DLG2: variants seen among roughly 807,000 people sequenced by gnomAD.
DLG2 encodes discs large MAGUK scaffold protein 2, also known as disks large homolog 2.
In DLG2, 45 loss-of-function variants were observed where a neutral mutation model predicts 132.5. The observed-to-expected ratio is 0.34, with a 90% confidence interval of 0.27 to 0.44. DLG2 has a LOEUF of 0.44. DLG2 is among the 20% of genes least tolerant of loss of function. The probability of loss-of-function intolerance (pLI) is 1.00; values close to 1 mark genes in which losing one functional copy is unlikely to be tolerated. For synonymous variants in DLG2, 424 were observed against 419.6 expected, an observed-to-expected ratio of 1.01 and a Z score of -0.13; for missense variants, 1,045 against 1,196.9, an observed-to-expected ratio of 0.87 and a Z score of 1.87.
chr11:85,018,846 G>C (rs2059793812), intron 6 of DLG2, among the ~76,000 whole-genome samples: 1 of 149,926 alleles, frequency 6.7e-6, no homozygotes, highest in Non-Finnish European at 1.5e-5. Flanking sequence ...TTATTTTGAG[G>C]AAAAAAGGTC....
At chr11:83,715,100 T>A (rs1031844880) in intron 18 of DLG2, among the ~76,000 whole-genome samples, 1 of 152,170 alleles carries the variant, frequency 6.6e-6, no homozygotes, top group Non-Finnish European at 1.5e-5. Context: ...GATGAGTTCA[T>A]GTCCTTGCAA....
intron 3 of DLG2, among the ~76,000 whole-genome samples, chr11:85,510,546 T>C (rs901639447): frequency 6.6e-6 from 1 of 151,480 alleles, no homozygotes; most frequent in Non-Finnish European, 1.5e-5. Flanking sequence ...AACAACCCCA[T>C]CAAAAAGTCG....
At chr11:83,672,389 C>A (rs2076981977) in intron 18 of DLG2, among the ~76,000 whole-genome samples, 2 of 152,088 alleles carry the variant, frequency 1.3e-5, no homozygotes, top group Admixed American at 1.3e-4. Context: ...GTTGGTCAGG[C>A]TGGTCTCAAA....
intron 6 of DLG2, among the ~76,000 whole-genome samples, chr11:84,991,929 C>A (rs905520840): frequency 2.0e-5 from 3 of 152,124 alleles, no homozygotes; most frequent in Admixed American, 6.5e-5. Flanking sequence ...TATGCAAATT[C>A]TTTTTGGTCT....
At chr11:84,808,138 AGT>A (rs1566019120) in intron 6 of DLG2, among the ~76,000 whole-genome samples, 1 of 152,160 alleles carries the variant, frequency 6.6e-6, no homozygotes, top group Admixed American at 6.5e-5. Flanking sequence ...AATCATAGAG[AGT>A]GTGTTATCTG....
intron 18 of DLG2, among the ~76,000 whole-genome samples, chr11:83,700,533 T>C (rs536669489): frequency 3.0e-4 from 45 of 152,162 alleles, no homozygotes; most frequent in African/African-American, 1.0e-3. Context: ...AGAATCAAAA[T>C]CCAACACATA....
At chr11:84,256,399 G>C (rs1213451397) in intron 7 of DLG2, among the ~76,000 whole-genome samples, 2 of 152,144 alleles carry the variant, frequency 1.3e-5, no homozygotes. Flanking sequence ...GCTCCGAGAA[G>C]TGTAGGCTAA....
rs1337640768 is a variant in DLG2 at position 84,321,507 on chromosome 11, G to A, written c.520-70216C>T. Among the ~76,000 whole-genome samples, 13 of 152,080 alleles carry A rather than the reference G, an allele frequency of 8.5e-5. 1 individual carries two copies. Among genetic ancestry groups the A allele is most frequent in the Admixed American group, 7.9e-4 (12 of 15,272 alleles). Reference sequence around the variant, plus strand: ...ATCTGGCCTCTGTGGCTTTTTACCAGTCTTGTCTGTGCCTCACACTCTTGC... The same window carrying A: ...ATCTGGCCTCTGTGGCTTTTTACCAATCTTGTCTGTGCCTCACACTCTTGC... On this transcript the variant is annotated intron_variant, in intron 7 of 27. Transcript: ENST00000376104.
intron 9 of DLG2, among the ~76,000 whole-genome samples, chr11:84,148,299 G>A (rs533118934): frequency 6.6e-6 from 1 of 152,230 alleles, no homozygotes; most frequent in African/African-American, 2.4e-5. Flanking sequence ...GAGGTTTGGA[G>A]TACAATCAAA....
At chr11:84,280,846 G>A (rs1340357596) in intron 7 of DLG2, among the ~76,000 whole-genome samples, 5 of 144,406 alleles carry the variant, frequency 3.5e-5, no homozygotes, top group South Asian at 2.2e-4. Context: ...AACTAGAGGC[G>A]CCTGCCACCA....
At chr11:84,166,516 A>AG (rs200662787) in intron 8 of DLG2, among the ~76,000 whole-genome samples, 289 of 138,240 alleles carry the variant, frequency 2.1e-3, no homozygotes, top group African/African-American at 5.6e-3. Context: ...AAAAAAAAAA[A>AG]AAAAGAAAAG....
chr11:84,745,458 C>T lies in DLG2; in HGVS notation c.358-210727G>A, dbSNP rs527323266. Among the ~76,000 whole-genome samples, 77 of 152,276 alleles carry T rather than the reference C, an allele frequency of 5.1e-4. 1 individual carries two copies. The highest frequency in any genetic ancestry group is 1.8e-3 in the African/African-American group (75 of 41,540). On this transcript the variant is annotated intron_variant, in intron 6 of 27. Coordinates refer to ENST00000376104, the MANE Select transcript of DLG2 (RefSeq NM_001142699.3). Reference sequence around the variant, plus strand: ...CATGATTGTAAGTTTTCTGAGGCCTCTCCAGAAGCCAGGCAGATGCTGCTG... The same window carrying T: ...CATGATTGTAAGTTTTCTGAGGCCTTTCCAGAAGCCAGGCAGATGCTGCTG...
intron 5 of DLG2, among the ~76,000 whole-genome samples, chr11:85,137,158 C>T (rs954021003): frequency 1.3e-5 from 2 of 151,958 alleles, no homozygotes; most frequent in African/African-American, 4.8e-5. Context: ...CAATTTCTAG[C>T]TGAAGTGTTA....
At chr11:84,368,725 G>A (rs372379450) in intron 7 of DLG2, among the ~76,000 whole-genome samples, 63 of 152,202 alleles carry the variant, frequency 4.1e-4, no homozygotes, top group African/African-American at 1.5e-3. Context: ...CATTAAAGAT[G>A]ATGTGAGATC....
chr11:85,156,106 G>C (rs1465072829), intron 4 of DLG2, among the ~76,000 whole-genome samples: 1 of 152,140 alleles, frequency 6.6e-6, no homozygotes, highest in Non-Finnish European at 1.5e-5. Context: ...GATTGTGACA[G>C]GAGAGAAATT....
intron 9 of DLG2, among the ~76,000 whole-genome samples, chr11:84,120,038 C>T (rs972098308): frequency 6.6e-6 from 1 of 152,108 alleles, no homozygotes; most frequent in Non-Finnish European, 1.5e-5. Context: ...TGGCTTGATG[C>T]CTGAACTAAT....
At chr11:83,843,321 T>C (rs1177347850) in intron 16 of DLG2, among the ~76,000 whole-genome samples, 1 of 152,198 alleles carries the variant, frequency 6.6e-6, no homozygotes. Flanking sequence ...GAGGTCCTAC[T>C]TGGCCTTTAA....
intron 6 of DLG2, among the ~76,000 whole-genome samples, chr11:84,868,047 C>A (rs1253645251): frequency 6.6e-6 from 1 of 150,824 alleles, no homozygotes; most frequent in Non-Finnish European, 1.5e-5. Flanking sequence ...GCACTCCAGC[C>A]TGGGCAACAA....
intron 6 of DLG2, among the ~76,000 whole-genome samples, chr11:85,047,951 A>C (rs2062511710): frequency 6.6e-6 from 1 of 151,866 alleles, no homozygotes; most frequent in Non-Finnish European, 1.5e-5. Context: ...TCTCCACGAG[A>C]ATTCTACTCC....
Sources: allele counts gnomAD v4.1 joint callset (sites outside exome capture counted in the v4.1 genomes callset), GRCh38; gene constraint gnomAD v4.1.1; transcripts MANE v1.5; gene names NCBI Gene and HGNC (gene_info 2026-07-23, HGNC 2026-07-21).